The following PRAG1 variants were observed in gnomAD, a reference collection of about 807,000 sequenced individuals.
The protein encoded by PRAG1 is PEAK1 related, kinase-activating pseudokinase 1.
PRAG1 carries 110 observed loss-of-function variants against 95.6 expected under a neutral mutation model. The observed-to-expected ratio is 1.15, with a 90% CI of 0.99 to 1.35. The LOEUF is 1.35. Among genes scored for constraint, PRAG1 ranks in the 40% most tolerant of loss-of-function variants. The pLI, the probability that PRAG1 is intolerant of heterozygous loss-of-function variation, is 0.00. For synonymous variants in PRAG1, 1,052 were observed against 819.4 expected, an observed-to-expected ratio of 1.28 and a Z score of -4.85; for missense variants, 2,554 against 1,864.7, an observed-to-expected ratio of 1.37 and a Z score of -6.81.
At chr8:8,366,025 C>A (rs772031202) in intron 3 of PRAG1, among the ~76,000 whole-genome samples, 2 of 151,950 alleles carry the variant, frequency 1.3e-5, no homozygotes, top group Non-Finnish European at 2.9e-5. Context: ...AGTGAAAACA[C>A]ATTGCTTAAT....
At chr8:8,372,499 T>C (rs1470765294) in intron 3 of PRAG1, among the ~76,000 whole-genome samples, 1 of 152,212 alleles carries the variant, frequency 6.6e-6, no homozygotes, top group African/African-American at 2.4e-5. Flanking sequence ...AGTGTGACTT[T>C]GTGGGTATAA....
chr8:8,348,667 C>T (rs1799424290), intron 3 of PRAG1, among the ~76,000 whole-genome samples: 1 of 152,120 alleles, frequency 6.6e-6, no homozygotes, highest in Non-Finnish European at 1.5e-5. Context: ...ATCCTCAAAA[C>T]CCAGCATCAG....
rs190964236 is a variant in PRAG1, at chr8:8,332,348, A to G, written c.2321-3887T>C. On this transcript the variant is annotated intron_variant, in intron 4 of 5. Coordinates refer to ENST00000615670, the MANE Select transcript of PRAG1 (RefSeq NM_001080826.3). ...AGCTAATTTTTTGTATTTTTAGTAG[A>G]GACGGGGTTTCACCATGTTGGCCAG... Among the ~76,000 whole-genome samples the G allele has an allele frequency of 1.9e-3, 285 of 152,006 alleles. 1 individual carries two copies. Among genetic ancestry groups the G allele is most frequent in the Non-Finnish European group, 3.3e-3 (222 of 67,988 alleles).
chr8:8,339,681 C>T (rs765778530), intron 3 of PRAG1, 46 bp from the exon 4 acceptor site: 3 of 1,570,378 alleles, frequency 1.9e-6, no homozygotes, highest in South Asian at 1.1e-5. Context: ...ATTGGATTTC[C>T]ATTCAGAAAC....
chr8:8,374,048 G>C (rs917698728), intron 3 of PRAG1, among the ~76,000 whole-genome samples: 1 of 152,208 alleles, frequency 6.6e-6, no homozygotes, highest in African/African-American at 2.4e-5. Context: ...AGTTCCCATA[G>C]GGTGTGGGTG....
rs1197536942 is a variant in PRAG1, at chr8:8,373,458, T to TTTTTTTGTTTTTTG, written c.2162+2788_2162+2789insCAAAAAACAAAAAA. ...TAAGCTAATTTTATTTTCTAGATTT[T>TTTTTTTGTTTTTTG]TTTTTTTTTGAGACAGGGTCTTGCT... On this transcript the variant is annotated intron_variant, in intron 3 of 5. Coordinates refer to ENST00000615670, the MANE Select transcript of PRAG1 (RefSeq NM_001080826.3). Among the ~76,000 whole-genome samples, 12 of 151,248 alleles carry TTTTTTTGTTTTTTG rather than the reference T, an allele frequency of 7.9e-5. 1 individual carries two copies. The highest frequency in any genetic ancestry group is 2.9e-4 in the African/African-American group (12 of 40,906).
intron 4 of PRAG1, among the ~76,000 whole-genome samples, chr8:8,331,985 C>G (rs796870823): frequency 3.3e-5 from 5 of 152,242 alleles, no homozygotes; most frequent in African/African-American, 1.2e-4. Flanking sequence ...ACTCAGTACT[C>G]GCCGCATTAT....
rs1303368510 is a variant in PRAG1, at chr8:8,318,325, C to T, written c.4050G>A (p.Thr1350=). 3.7e-6 allele frequency: 6 copies of T among 1,614,024 alleles called. No homozygotes were observed. In the African/African-American group the frequency reaches 4.0e-5, roughly 11 times the overall value. The change falls in exon 6 of 6, where the codon ACG becomes ACA. Residue 1350 remains threonine (T), a synonymous_variant. Coordinates refer to ENST00000615670, the MANE Select transcript of PRAG1 (RefSeq NM_001080826.3). This position sits in a 1 kb window ranked among gnomAD's most constrained non-coding sequence, Gnocchi z 4.2. ...GCTTCATGTCGATCCAGTTGTGCAGCGTGCCGCACAGCGCCTCCTCCGAGG... is the reference window on the plus strand; with the variant it reads ...GCTTCATGTCGATCCAGTTGTGCAGTGTGCCGCACAGCGCCTCCTCCGAGG... ...PGTSEEALCG[T]LHNWIDMKRA...
chr8:8,335,227 A>G (rs149232970), intron 4 of PRAG1, among the ~76,000 whole-genome samples: 1 of 152,222 alleles, frequency 6.6e-6, no homozygotes, highest in African/African-American at 2.4e-5. Context: ...AATCATGCCA[A>G]TGTATGGCAC....
At chr8:8,345,020 GTGATTACAGGATAAATT>G (rs1262296162) in intron 3 of PRAG1, among the ~76,000 whole-genome samples, 1 of 150,864 alleles carries the variant, frequency 6.6e-6, no homozygotes, top group Non-Finnish European at 1.5e-5. Context: ...GTCTATCCCT[GTGATTACAGGATAAATT>G]ATCCGCAGGG....
At position 8,376,324 on chromosome 8, in the gene PRAG1, G is replaced by A. The variant is rs1800388490; in HGVS notation, c.2085C>T (p.Ala695=). The A allele has an allele frequency of 1.9e-6, 3 of 1,614,070 alleles. No homozygotes were observed. Among genetic ancestry groups the A allele is most frequent in the South Asian group, 1.1e-5 (1 of 91,078 alleles). ...SKVGTGMSKS[A]SFAFEFPKDR... is the part of the protein sequence containing the mutation. ...CCTTGGGGAACTCAAAGGCAAAAGA[G>A]GCGGATTTGCTCATCCCGGTCCCAA... Residue 695 remains alanine, a synonymous_variant, in exon 3 of 6, where the codon GCC becomes GCT. Transcript: ENST00000615670.
intron 5 of PRAG1, among the ~76,000 whole-genome samples, chr8:8,324,407 C>G (rs1487943196): frequency 1.3e-5 from 2 of 152,176 alleles, no homozygotes; most frequent in African/African-American, 4.8e-5. Flanking sequence ...TTGGCAAGAC[C>G]CGCAGCTTCC....
At position 8,377,799 on chromosome 8, in the gene PRAG1, G is replaced by A; in HGVS notation, c.610C>T (p.Gln204Ter). The A allele has an allele frequency of 6.2e-7, 1 of 1,614,176 alleles. No homozygotes were observed. The highest frequency in any genetic ancestry group is 8.5e-7 in the Non-Finnish European group (1 of 1,180,046). Residue 204 changes from glutamine (Q) to a stop codon, truncating the protein, a stop_gained, in exon 3 of 6, where the codon CAG (glutamine) becomes TAG (stop). Transcript: ENST00000615670. LOFTEE classifies it high-confidence loss of function. Reference protein sequence around the residue: ...SFPYQDRPSTQESFRQKLAAF... With the variant: ...SFPYQDRPST Reference sequence around the variant, plus strand: ...GCCAGTTTCTGGCGGAAGCTCTCCTGGGTGGAGGGCCGGTCTTGGTAAGGA... The same window carrying A: ...GCCAGTTTCTGGCGGAAGCTCTCCTAGGTGGAGGGCCGGTCTTGGTAAGGA...
In PRAG1 at chr8:8,377,448, A is replaced by G. The variant is rs773111629; in HGVS notation, c.961T>C (p.Ser321Pro). The change falls in exon 3 of 6, where the codon TCC becomes CCC. Residue 321 changes from serine to proline, a missense_variant. Coordinates refer to ENST00000615670, the MANE Select transcript of PRAG1 (RefSeq NM_001080826.3). ...CCSQGPTAHP[S>P]CLGPKKLSLT... Reference sequence around the variant, plus strand: ...GACAGTTTCTTGGGGCCCAGGCAGGATGGGTGGGCAGTGGGGCCCTGGCTA... The same window carrying G: ...GACAGTTTCTTGGGGCCCAGGCAGGGTGGGTGGGCAGTGGGGCCCTGGCTA... 3 of 1,553,426 alleles carry G rather than the reference A, an allele frequency of 1.9e-6. No individual in the cohort carries two copies. In the Admixed American group the frequency reaches 5.7e-5, roughly 30 times the overall value.
intron 3 of PRAG1, among the ~76,000 whole-genome samples, chr8:8,365,236 A>C (rs1211488496): frequency 6.6e-6 from 1 of 152,192 alleles, no homozygotes; most frequent in East Asian, 1.9e-4. Context: ...AAATTATGTT[A>C]CATCACTGAA....
intron 3 of PRAG1, among the ~76,000 whole-genome samples, chr8:8,356,838 A>G (rs1050913445): frequency 6.6e-6 from 1 of 152,218 alleles, no homozygotes; most frequent in Non-Finnish European, 1.5e-5. Flanking sequence ...ATAGACATAT[A>G]GACTAATGTA....
intron 3 of PRAG1, among the ~76,000 whole-genome samples, chr8:8,375,620 T>G (rs890866432): frequency 4.6e-5 from 7 of 152,218 alleles, no homozygotes; most frequent in Non-Finnish European, 1.0e-4. Context: ...GAGCACGCAT[T>G]TATTTGGCAT....
rs747922458 is a variant in PRAG1 at position 8,377,712 on chromosome 8, G to A, written c.697C>T (p.Pro233Ser). 36 of 1,613,862 alleles carry A rather than the reference G, an allele frequency of 2.2e-5. No individual in the cohort carries two copies. Among genetic ancestry groups the A allele is most frequent in the Middle Eastern group, 3.3e-4 (2 of 6,084 alleles). Residue 233 changes from proline (P) to serine (S), a missense_variant, in exon 3 of 6, where the codon CCC becomes TCC. By Grantham distance (74) the Pro-to-Ser change is moderately conservative. Transcript: ENST00000615670. ...QGPGPLRESL[P>S]SEDDSDQRCS... ...CTTTGATCACTGTCATCCTCCGAGG[G>A]CAGGGATTCCCGCAGGGGCCCAGGG...
chr8:8,326,252 T>C (rs1195453582), intron 5 of PRAG1, among the ~76,000 whole-genome samples: 1 of 148,288 alleles, frequency 6.7e-6, no homozygotes, highest in Non-Finnish European at 1.5e-5. Flanking sequence ...TGAATATTAA[T>C]AGTAATAATA....
Sources: allele counts gnomAD v4.1 joint callset (sites outside exome capture counted in the v4.1 genomes callset), GRCh38; gene constraint gnomAD v4.1.1; non-coding constraint Gnocchi (gnomAD v3.1); transcripts MANE v1.5; gene names NCBI Gene and HGNC (gene_info 2026-07-23, HGNC 2026-07-21).